The following RBPMS variants were observed in gnomAD, a reference collection of about 807,000 sequenced individuals.
The protein encoded by RBPMS is RNA-binding protein with multiple splicing.
A neutral mutation model predicts 26.8 loss-of-function variants in RBPMS; 7 were observed. The ratio of observed to expected loss-of-function variants is 0.26; its 90% CI spans 0.15 to 0.49. The LOEUF (loss-of-function observed/expected upper bound fraction) is 0.49, where lower values mean the gene tolerates loss of function less well. RBPMS is among the 20% of genes least tolerant of loss of function. The pLI is 0.98. For synonymous variants in RBPMS, 96 were observed against 93.3 expected (o/e 1.03, Z -0.17); for missense variants, 186 against 250.0 (o/e 0.74, Z 1.73).
intron 1 of RBPMS, among the ~76,000 whole-genome samples, chr8:30,458,341 G>T (rs1286980630): frequency 6.6e-6 from 1 of 152,140 alleles, no homozygotes; most frequent in Non-Finnish European, 1.5e-5. Flanking sequence ...GTACTTTTCT[G>T]AATGTTCTAC....
intron 1 of RBPMS, among the ~76,000 whole-genome samples, chr8:30,463,621 T>A (rs984630481): frequency 1.3e-5 from 2 of 152,238 alleles, no homozygotes; most frequent in Non-Finnish European, 2.9e-5. Context: ...GCGAATCACT[T>A]AAGTGAAGCC....
At chr8:30,550,296 A>G (rs889467488) in intron 6 of RBPMS, among the ~76,000 whole-genome samples, 4 of 152,162 alleles carry the variant, frequency 2.6e-5, no homozygotes, top group African/African-American at 7.2e-5. Flanking sequence ...GAGCTCTGCC[A>G]TTTACACGCT....
chr8:30,466,576 TTTTC>T (rs1459875296), intron 1 of RBPMS, among the ~76,000 whole-genome samples: 2 of 151,628 alleles, frequency 1.3e-5, no homozygotes, highest in East Asian at 1.9e-4. Flanking sequence ...TGGTTTTGGT[TTTTC>T]TTTCTTTCTT....
intron 1 of RBPMS, among the ~76,000 whole-genome samples, chr8:30,462,628 A>G (rs1330369522): frequency 3.9e-5 from 6 of 152,010 alleles, no homozygotes; most frequent in East Asian, 1.9e-4. Context: ...ACCATGCACC[A>G]TGTCTGCCAG....
At position 30,385,119 on chromosome 8, in the gene RBPMS, G is replaced by A. The variant is rs375225410; in HGVS notation, c.27G>A (p.Lys9=). The change falls in exon 1 of 9, where the codon AAG becomes AAA. Residue 9 remains lysine (K), a synonymous_variant. Coordinates refer to ENST00000397323, the MANE Select transcript of RBPMS (RefSeq NM_001008710.3). MNNGGKAE[K]ENTPSEANLQ... ...TGAACAACGGCGGCAAAGCCGAGAA[G>A]GAGAACACCCCGAGCGAGGCCAACC... The A allele has an allele frequency of 5.2e-6, 8 of 1,529,098 alleles. No homozygotes were observed. In the African/African-American group the frequency reaches 8.6e-5, roughly 16 times the overall value. 94.7% of individuals were successfully genotyped at this position (1,529,098 alleles called of 1,614,324 possible). A position where few individuals can be genotyped will look rare whatever the true frequency, so the allele number is the denominator to read the frequency against.
rs373576823 is a variant in RBPMS at position 30,465,829 on chromosome 8, A to G, written c.67-8950A>G. Among the ~76,000 whole-genome samples, 106 of 152,316 alleles carry G rather than the reference A, an allele frequency of 7.0e-4. 1 individual carries two copies. The highest frequency in any genetic ancestry group is 2.4e-3 in the African/African-American group (101 of 41,574). Reference sequence around the variant, plus strand: ...TCCTATCAGAATTAGAGCTTAGGAAACATTCTGATTAGAAGTCAGCATTGG... The same window carrying G: ...TCCTATCAGAATTAGAGCTTAGGAAGCATTCTGATTAGAAGTCAGCATTGG... On this transcript the variant is annotated intron_variant, in intron 1 of 8. Transcript: ENST00000397323.
At position 30,538,639 on chromosome 8, in the gene RBPMS, A is replaced by G. The variant is rs181385560; in HGVS notation, c.398-5855A>G. Among the ~76,000 whole-genome samples the G allele has an allele frequency of 1.3e-4, 20 of 152,330 alleles. No individual in the cohort carries two copies. The East Asian group carries it at 2.9e-3, about 22-fold the overall frequency. ...AGCCAGTGAATGGGTTTGACATTCT[A>G]TGGGAACTGTATTAGTTCCCTAGGG... On this transcript the variant is annotated intron_variant, in intron 5 of 8. Coordinates refer to ENST00000397323, the MANE Select transcript of RBPMS (RefSeq NM_001008710.3).
At chr8:30,556,411 GT>G in intron 6 of RBPMS, 3 of 985,892 alleles carry the variant, frequency 3.0e-6, no homozygotes, top group South Asian at 9.4e-5. Context: ...GCGAGAGCTG[GT>G]CAGAGAGGCT....
intron 1 of RBPMS, among the ~76,000 whole-genome samples, chr8:30,412,737 A>AT (rs1184318550): frequency 5.3e-5 from 8 of 151,960 alleles, no homozygotes; most frequent in African/African-American, 1.2e-4. Context: ...ATAGTACTTC[A>AT]TTTTTTTTAA....
intron 1 of RBPMS, among the ~76,000 whole-genome samples, chr8:30,428,020 C>CT (rs58756060): frequency 0.076 from 7,896 of 103,936 alleles, 838 homozygotes; most frequent in African/African-American, 0.2. Context: ...GAGACCCCAT[C>CT]TTTTTTTTTT....
At chr8:30,541,550 C>T (rs1825389581) in intron 5 of RBPMS, among the ~76,000 whole-genome samples, 2 of 152,106 alleles carry the variant, frequency 1.3e-5, no homozygotes, top group Admixed American at 1.3e-4. Context: ...GACAAAAAAG[C>T]CCTGGCCTCT....
At chr8:30,513,047 G>A (rs902420691) in intron 5 of RBPMS, among the ~76,000 whole-genome samples, 4 of 141,798 alleles carry the variant, frequency 2.8e-5, no homozygotes, top group Non-Finnish European at 4.7e-5. Flanking sequence ...GAGGGCACAC[G>A]TCATTATTTC....
At chr8:30,410,183 CACACACACTT>C (rs1332620209) in intron 1 of RBPMS, among the ~76,000 whole-genome samples, 27 of 147,394 alleles carry the variant, frequency 1.8e-4, no homozygotes, top group African/African-American at 6.3e-4. Flanking sequence ...CACACACACA[CACACACACTT>C]AACTGCTACT....
chr8:30,511,011 T>G (rs1484582738), intron 5 of RBPMS, among the ~76,000 whole-genome samples: 1 of 152,000 alleles, frequency 6.6e-6, no homozygotes, highest in Non-Finnish European at 1.5e-5. Flanking sequence ...CTGGTCAACT[T>G]CTTATTGAAA....
At chr8:30,439,399 C>G (rs1342966896) in intron 1 of RBPMS, among the ~76,000 whole-genome samples, 1 of 152,144 alleles carries the variant, frequency 6.6e-6, no homozygotes, top group African/African-American at 2.4e-5. Flanking sequence ...TAATTTTGTT[C>G]ATAAAGCAAA....
intron 5 of RBPMS, among the ~76,000 whole-genome samples, chr8:30,517,690 GGCCTGTAAGGAGCTGCC>G (rs776067118): frequency 4.6e-5 from 7 of 152,204 alleles, no homozygotes; most frequent in Non-Finnish European, 7.3e-5. Flanking sequence ...AGAGGAAACA[GGCCTGTAAGGAGCTGCC>G]GTGTGTAAGG....
chr8:30,534,214 T>C (rs774179021), intron 5 of RBPMS, among the ~76,000 whole-genome samples: 1 of 152,202 alleles, frequency 6.6e-6, no homozygotes, highest in Non-Finnish European at 1.5e-5. Context: ...GTCAGGAATG[T>C]AGACTCTGGA....
At chr8:30,519,334 T>TCTC in intron 5 of RBPMS, among the ~76,000 whole-genome samples, 1 of 152,318 alleles carries the variant, frequency 6.6e-6, no homozygotes, top group Admixed American at 6.5e-5. Flanking sequence ...ATTGCTTCTT[T>TCTC]CTCCTCCTCC....
chr8:30,419,986 AG>A (rs1810563633), intron 1 of RBPMS, among the ~76,000 whole-genome samples: 1 of 152,140 alleles, frequency 6.6e-6, no homozygotes, highest in Non-Finnish European at 1.5e-5. Context: ...GCACTTTGAG[AG>A]GACGACATGC....
Sources: gnomAD v4.1 joint callset for allele counts (sites outside exome capture counted in the v4.1 genomes callset) on GRCh38, gnomAD v4.1.1 for gene constraint, MANE v1.5 for transcripts, NCBI Gene and HGNC (gene_info 2026-07-23, HGNC 2026-07-21) for gene names.